Variants in ANKHD1 observed in about 807,000 individuals in gnomAD.
ANKHD1 encodes ankyrin repeat and KH domain-containing protein 1.
In ANKHD1, 31 loss-of-function variants were observed where a neutral mutation model predicts 230.5. The observed-to-expected ratio is 0.13, with a 90% confidence interval of 0.10 to 0.18. The LOEUF is 0.18. Among genes scored for constraint, ANKHD1 ranks in the 10% least tolerant of loss-of-function variants. The probability of loss-of-function intolerance (pLI) is 1.00; values close to 1 mark genes in which losing one functional copy is unlikely to be tolerated. For missense variants in ANKHD1, 2,256 were observed against 3,071.3 expected, an observed-to-expected ratio of 0.73 and a Z score of 6.27; for synonymous variants, 1,074 against 1,117.6, an observed-to-expected ratio of 0.96 and a Z score of 0.78.
At chr5:140,524,686 G>A (rs549585046) in intron 25 of ANKHD1, among the ~76,000 whole-genome samples, 14 of 152,234 alleles carry the variant, frequency 9.2e-5, no homozygotes, top group Admixed American at 3.3e-4. Flanking sequence ...GTACTGTCTG[G>A]CAGTGCTTGT....
At chr5:140,430,196 G>A (rs1185905593) in intron 1 of ANKHD1, among the ~76,000 whole-genome samples, 1 of 152,136 alleles carries the variant, frequency 6.6e-6, no homozygotes, top group Non-Finnish European at 1.5e-5. Flanking sequence ...TAGTATTTCA[G>A]GAGATATAAG....
At chr5:140,422,775 A>G (rs1581222064) in intron 1 of ANKHD1, among the ~76,000 whole-genome samples, 1 of 150,178 alleles carries the variant, frequency 6.7e-6, no homozygotes, top group Non-Finnish European at 1.5e-5. Context: ...GCACCATTGC[A>G]CTCCAGCCTG....
At chr5:140,538,848 A>ACCAGC in intron 32 of ANKHD1, 71 bp from the exon 33 acceptor site, 1 of 1,343,134 alleles carries the variant, frequency 7.4e-7, no homozygotes, top group Non-Finnish European at 9.6e-7. Context: ...CTAAGCTGGT[A>ACCAGC]TTATGGGATT....
At chr5:140,432,642 A>G (rs1773133620) in intron 1 of ANKHD1, among the ~76,000 whole-genome samples, 1 of 152,180 alleles carries the variant, frequency 6.6e-6, no homozygotes, top group African/African-American at 2.4e-5. Context: ...CTTTTGAAGA[A>G]CTGTCAAACT....
Position 140,529,116 on chromosome 5 carries a change from A to G in ANKHD1, c.6170A>G (p.Asn2057Ser). 1.2e-6 allele frequency: 2 copies of G among 1,614,078 alleles called. No individual in the cohort carries two copies. The highest frequency in any genetic ancestry group is 1.7e-6 in the Non-Finnish European group (2 of 1,180,026). The change falls in exon 29 of 34, where the codon AAC becomes AGC. Residue 2057 changes from asparagine (N) to serine (S), a missense_variant. Physicochemically the swap from Asn to Ser is conservative, Grantham distance 46 (BLOSUM62 1). Coordinates refer to ENST00000360839, the MANE Select transcript of ANKHD1 (RefSeq NM_017747.3). ...TANSCSSSAS[N>S]TPGAPETHPS... ...AACAGTTGCAGTAGCTCTGCCAGCAACACCCCGGGAGCTCCAGAAACTCAC... is the reference window on the plus strand; with the variant it reads ...AACAGTTGCAGTAGCTCTGCCAGCAGCACCCCGGGAGCTCCAGAAACTCAC...
intron 24 of ANKHD1, among the ~76,000 whole-genome samples, chr5:140,523,388 G>A (rs575253821): frequency 2.7e-4 from 41 of 151,844 alleles, no homozygotes; most frequent in Non-Finnish European, 5.0e-4. Flanking sequence ...TATTACAGGC[G>A]TGAGCCACCA....
rs1440956334 is a variant in ANKHD1 at position 140,512,815 on chromosome 5, G to T, written c.4105-13G>T. 1.9e-6 allele frequency: 3 copies of T among 1,575,122 alleles called. No homozygotes were observed. The highest frequency in any genetic ancestry group is 2.3e-5 in the East Asian group (1 of 42,830). ...TCATGCTACCTTGTCTAAGATTGTT[G>T]TACTTCTTATAGGGTCATGTAAAAG... On this transcript the variant is annotated splice_polypyrimidine_tract_variant and intron_variant, in intron 22 of 33. Transcript: ENST00000360839.
intron 24 of ANKHD1, among the ~76,000 whole-genome samples, chr5:140,518,703 T>C (rs1351242905): frequency 2.0e-5 from 3 of 152,114 alleles, no homozygotes; most frequent in Non-Finnish European, 4.4e-5. Context: ...ATTATCTCAA[T>C]AGATGCAGAA....
At chr5:140,426,500 T>TTTTATTTATTTATTTA (rs3084523) in intron 1 of ANKHD1, among the ~76,000 whole-genome samples, 5 of 151,684 alleles carry the variant, frequency 3.3e-5, no homozygotes, top group African/African-American at 9.7e-5. Context: ...CCTTGAACTT[T>TTTTATTTATTTATTTA]TTTATTTATT....
rs1775967725 is a variant in ANKHD1, at chr5:140,464,741, G to A, written c.1747G>A (p.Val583Ile). The change falls in exon 10 of 34, where the codon GTT becomes ATT. Residue 583 changes from valine to isoleucine, a missense_variant. Transcript: ENST00000360839. ...TGCTTGTGAAAATGGACATACGGATGTTGCAGATGTTTTACTTCAAGCAGG... is the reference window on the plus strand; with the variant it reads ...TGCTTGTGAAAATGGACATACGGATATTGCAGATGTTTTACTTCAAGCAGG... Reference protein sequence around the residue: ...TYACENGHTDVADVLLQAGAD... With the variant: ...TYACENGHTDIADVLLQAGAD... The A allele has an allele frequency of 6.2e-7, 1 of 1,608,026 alleles. No homozygotes were observed. The highest frequency in any genetic ancestry group is 8.5e-7 in the Non-Finnish European group (1 of 1,175,676).
At chr5:140,504,743 T>C in intron 15 of ANKHD1, 78 bp from the exon 16 acceptor site, 2 of 1,536,820 alleles carry the variant, frequency 1.3e-6, no homozygotes, top group Non-Finnish European at 1.7e-6. Context: ...TATGGAAATT[T>C]CTGTTTTTGT....
At chr5:140,511,220 A>G (rs1752753790) in intron 22 of ANKHD1, among the ~76,000 whole-genome samples, 1 of 152,204 alleles carries the variant, frequency 6.6e-6, no homozygotes, top group Non-Finnish European at 1.5e-5. Context: ...CCCAAACTAT[A>G]AACTACTTAG....
At chr5:140,402,424 T>G in intron 1 of ANKHD1, 151 bp downstream of exon 1, 1 of 1,114,796 alleles carries the variant, frequency 9.0e-7, no homozygotes, top group Non-Finnish European at 1.2e-6. Flanking sequence ...GGTGAGGGCC[T>G]AGTGAGCCCT....
intron 24 of ANKHD1, among the ~76,000 whole-genome samples, chr5:140,514,507 A>T (rs537971161): frequency 1.3e-5 from 2 of 152,182 alleles, no homozygotes; most frequent in East Asian, 3.9e-4. Flanking sequence ...CAAAAAGAAA[A>T]TCTGCTAGAG....
chr5:140,473,437 A>T (rs1044301267), intron 10 of ANKHD1, among the ~76,000 whole-genome samples: 8 of 151,374 alleles, frequency 5.3e-5, no homozygotes, highest in Non-Finnish European at 8.8e-5. Flanking sequence ...ATTTTTAAAA[A>T]TTTTTTAAAT....
intron 10 of ANKHD1, among the ~76,000 whole-genome samples, chr5:140,473,183 C>T (rs1022425514): frequency 2.0e-5 from 3 of 151,850 alleles, no homozygotes; most frequent in Non-Finnish European, 4.4e-5. Context: ...CGCGTGCCAC[C>T]GTGCCTACCT....
At chr5:140,489,622 T>G (rs1751679820) in intron 14 of ANKHD1, among the ~76,000 whole-genome samples, 1 of 152,242 alleles carries the variant, frequency 6.6e-6, no homozygotes, top group Non-Finnish European at 1.5e-5. Context: ...TAGGTAGTGA[T>G]TTTTTAAGTT....
chr5:140,528,556 T>A lies in ANKHD1; in HGVS notation c.5610T>A (p.Pro1870=), dbSNP rs370176222. The change falls in exon 29 of 34, where the codon CCT becomes CCA. Residue 1870 remains proline (P), a synonymous_variant. Coordinates refer to ENST00000360839, the MANE Select transcript of ANKHD1 (RefSeq NM_017747.3). ...AAACTATGCAACAGATTCGGCATCCTCGCTTACCCATGGCCCAGTTTGGAG... is the reference window on the plus strand; with the variant it reads ...AAACTATGCAACAGATTCGGCATCCACGCTTACCCATGGCCCAGTTTGGAG... ...AAQTMQQIRH[P]RLPMAQFGGT... is the part of the protein sequence containing the mutation. 1 of 1,614,092 alleles carries A rather than the reference T, an allele frequency of 6.2e-7. No individual in the cohort carries two copies. The highest frequency in any genetic ancestry group is 8.5e-7 in the Non-Finnish European group (1 of 1,180,046).
At chr5:140,404,087 A>G (rs1770215978) in intron 1 of ANKHD1, among the ~76,000 whole-genome samples, 1 of 152,256 alleles carries the variant, frequency 6.6e-6, no homozygotes, top group Non-Finnish European at 1.5e-5. Context: ...TTCTAAGCCA[A>G]GGTGAGAGAA....
Sources: gnomAD v4.1 joint callset for allele counts (sites outside exome capture counted in the v4.1 genomes callset) on GRCh38, gnomAD v4.1.1 for gene constraint, MANE v1.5 for transcripts, NCBI Gene and HGNC (gene_info 2026-07-23, HGNC 2026-07-21) for gene names.